ERBB4: variants seen among roughly 807,000 people sequenced by gnomAD.
ERBB4 encodes the protein erb-b2 receptor tyrosine kinase 4.
ERBB4 carries 42 observed loss-of-function variants against 158.0 expected under a neutral mutation model. That is an observed-to-expected ratio of 0.27 (90% confidence interval 0.21 to 0.34). The LOEUF (loss-of-function observed/expected upper bound fraction) is 0.34, where lower values mean the gene tolerates loss of function less well. Among genes scored for constraint, ERBB4 ranks in the 10% least tolerant of loss-of-function variants. ERBB4 has a pLI of 1.00. For synonymous variants in ERBB4, 583 were observed against 558.7 expected (o/e 1.04, Z -0.61); for missense variants, 1,333 against 1,624.1 (o/e 0.82, Z 3.08).
rs149827184 is a variant in ERBB4, at chr2:211,687,781, T to C, written c.1490-8597A>G. ...AAAACTCAGAGAACTCACCTCTGCA[T>C]TGTTCTTTGGGTTCCAAGATCTCAC... On this transcript the variant is annotated intron_variant, in intron 12 of 27. Coordinates refer to ENST00000342788, the MANE Select transcript of ERBB4 (RefSeq NM_005235.3). Among the ~76,000 whole-genome samples, 520 of 152,252 alleles carry C rather than the reference T, an allele frequency of 3.4e-3. 1 individual carries two copies. The highest frequency in any genetic ancestry group is 5.4e-3 in the Non-Finnish European group (367 of 68,002).
At chr2:211,947,047 T>C (rs561745943) in intron 3 of ERBB4, among the ~76,000 whole-genome samples, 6 of 152,242 alleles carry the variant, frequency 3.9e-5, no homozygotes, top group Admixed American at 1.3e-4. Flanking sequence ...TTCATGGAAA[T>C]AGATATAACA....
At chr2:211,699,221 T>C (rs144969100) in intron 12 of ERBB4, among the ~76,000 whole-genome samples, 168 of 152,316 alleles carry the variant, frequency 1.1e-3, no homozygotes, top group African/African-American at 3.8e-3. Flanking sequence ...TAGGTGTGTA[T>C]ATATGCATGT....
chr2:212,238,763 T>C (rs907147137), intron 1 of ERBB4, among the ~76,000 whole-genome samples: 2 of 152,154 alleles, frequency 1.3e-5, no homozygotes. Flanking sequence ...TAATGGTAAA[T>C]GATACAGCTA....
intron 2 of ERBB4, among the ~76,000 whole-genome samples, chr2:212,022,256 A>G (rs1395838816): frequency 6.6e-6 from 1 of 152,212 alleles, no homozygotes; most frequent in Non-Finnish European, 1.5e-5. Flanking sequence ...AGCACTATTC[A>G]CAATAGCAAA....
At chr2:212,150,856 G>C (rs2080844132) in intron 1 of ERBB4, among the ~76,000 whole-genome samples, 1 of 152,072 alleles carries the variant, frequency 6.6e-6, no homozygotes, top group Non-Finnish European at 1.5e-5. Context: ...ATTTGATTAT[G>C]GCACTAAACT....
At chr2:212,493,382 A>C (rs1305204402) in intron 1 of ERBB4, among the ~76,000 whole-genome samples, 6 of 151,532 alleles carry the variant, frequency 4.0e-5, no homozygotes, top group Non-Finnish European at 8.9e-5. Context: ...TATTAACATC[A>C]TCAAGTATTT....
chr2:211,745,489 C>T (rs886324303), intron 5 of ERBB4, among the ~76,000 whole-genome samples: 10 of 151,976 alleles, frequency 6.6e-5, no homozygotes, highest in African/African-American at 2.2e-4. Flanking sequence ...CTTCCATGTC[C>T]CAGCCACCAG....
intron 2 of ERBB4, among the ~76,000 whole-genome samples, chr2:211,991,748 C>T (rs867982972): frequency 3.1e-4 from 47 of 151,996 alleles, no homozygotes; most frequent in African/African-American, 9.9e-4. Context: ...GATAAATGAA[C>T]GGAAAGGAAG....
At chr2:211,984,381 AG>A (rs1364120523) in intron 2 of ERBB4, among the ~76,000 whole-genome samples, 1 of 152,202 alleles carries the variant, frequency 6.6e-6, no homozygotes, top group Non-Finnish European at 1.5e-5. Flanking sequence ...AAATGAAAAA[AG>A]TATCTTTATA....
At chr2:212,111,961 C>T (rs932785494) in intron 2 of ERBB4, among the ~76,000 whole-genome samples, 1 of 152,062 alleles carries the variant, frequency 6.6e-6, no homozygotes, top group Non-Finnish European at 1.5e-5. Flanking sequence ...AACATAGTGC[C>T]ATGAATTTCA....
At chr2:211,516,561 C>A (rs2066039973) in intron 20 of ERBB4, among the ~76,000 whole-genome samples, 2 of 151,904 alleles carry the variant, frequency 1.3e-5, no homozygotes, top group Non-Finnish European at 2.9e-5. Flanking sequence ...TCTTGAACTC[C>A]TGGCCTCAAG....
chr2:211,988,192 A>G (rs2081984987), intron 2 of ERBB4, among the ~76,000 whole-genome samples: 1 of 152,142 alleles, frequency 6.6e-6, no homozygotes, highest in African/African-American at 2.4e-5. Context: ...TGTGCTTACA[A>G]TAAATTTTTA....
intron 2 of ERBB4, among the ~76,000 whole-genome samples, chr2:211,971,628 G>T (rs565047938): frequency 6.6e-5 from 10 of 152,024 alleles, no homozygotes; most frequent in Non-Finnish European, 1.3e-4. Flanking sequence ...CAATATTTTT[G>T]ATGTTCATTC....
chr2:212,389,782 T>C, intron 1 of ERBB4, among the ~76,000 whole-genome samples: 1 of 152,022 alleles, frequency 6.6e-6, no homozygotes, highest in East Asian at 1.9e-4. Flanking sequence ...TGTATAATTC[T>C]AAATTATATT....
intron 1 of ERBB4, among the ~76,000 whole-genome samples, chr2:212,449,961 G>T (rs1488832565): frequency 6.6e-6 from 1 of 152,048 alleles, no homozygotes; most frequent in Admixed American, 6.6e-5. Context: ...CAAGGCATTA[G>T]CAGAAAGAGC....
intron 1 of ERBB4, among the ~76,000 whole-genome samples, chr2:212,195,293 G>C (rs1353505118): frequency 6.6e-6 from 1 of 151,786 alleles, no homozygotes; most frequent in African/African-American, 2.4e-5. Flanking sequence ...GCTACAATTT[G>C]CATTAGACAG....
At chr2:211,986,226 G>A (rs557756246) in intron 2 of ERBB4, among the ~76,000 whole-genome samples, 2 of 152,278 alleles carry the variant, frequency 1.3e-5, no homozygotes, top group South Asian at 4.1e-4. Flanking sequence ...ACTCCTTGAT[G>A]TTGGACTTCC....
intron 16 of ERBB4, among the ~76,000 whole-genome samples, chr2:211,642,063 C>T (rs920478413): frequency 2.0e-5 from 3 of 152,112 alleles, no homozygotes; most frequent in Admixed American, 6.6e-5. Flanking sequence ...AATTCTTCCA[C>T]TTGATGTGAC....
At chr2:211,534,483 G>T (rs1284267411) in intron 20 of ERBB4, among the ~76,000 whole-genome samples, 4 of 151,986 alleles carry the variant, frequency 2.6e-5, no homozygotes, top group African/African-American at 4.8e-5. Context: ...CTCTTATAGG[G>T]CATCATTACA....
Sources: allele counts gnomAD v4.1 joint callset (sites outside exome capture counted in the v4.1 genomes callset), GRCh38; gene constraint gnomAD v4.1.1; transcripts MANE v1.5; gene names NCBI Gene and HGNC (gene_info 2026-07-23, HGNC 2026-07-21).